CPNE8: variants seen among roughly 807,000 people sequenced by gnomAD.
CPNE8 encodes copine-8.
In CPNE8, 45 loss-of-function variants were observed where a neutral mutation model predicts 81.5. The observed-to-expected ratio is 0.55, with a 90% CI of 0.44 to 0.71. The LOEUF (loss-of-function observed/expected upper bound fraction) is 0.71, where lower values mean the gene tolerates loss of function less well. Ranked by LOEUF, CPNE8 falls within the 30% of genes least tolerant of loss-of-function variation. CPNE8 has a pLI of 0.00. For synonymous variants in CPNE8, 252 were observed against 226.3 expected, an observed-to-expected ratio of 1.11 and a Z score of -1.02; for missense variants, 594 against 672.1, an observed-to-expected ratio of 0.88 and a Z score of 1.28.
At chr12:38,734,609 G>A (rs1592047774) in intron 10 of CPNE8, among the ~76,000 whole-genome samples, 2 of 152,050 alleles carry the variant, frequency 1.3e-5, no homozygotes, top group South Asian at 2.1e-4. Flanking sequence ...CTACCACCAT[G>A]TTGTCTTGAG....
Position 38,848,569 on chromosome 12 carries a change from G to A in CPNE8, c.280C>T (p.Arg94Cys), listed in dbSNP as rs754785078. 4 of 1,570,780 alleles carry A rather than the reference G, an allele frequency of 2.5e-6. No homozygotes were observed. Among genetic ancestry groups the A allele is most frequent in the Non-Finnish European group, 2.6e-6 (3 of 1,166,602 alleles). The stretch of plus-strand genomic sequence containing the variant: ...TTTAGTAGAACTTACAAGTCAAAAC[G>A]AAGATTCTCTCTTTCTTCAAAAAAG... The part of the protein sequence containing the change: ...DYFFEERENL[R>C]FDLYDVDSKS... The change falls in exon 4 of 20, where the codon CGT (arginine) becomes TGT (cysteine). Residue 94 changes from arginine (R) to cysteine (C), a missense_variant. Transcript: ENST00000331366.
At chr12:38,709,571 C>A (rs989167078) in intron 13 of CPNE8, among the ~76,000 whole-genome samples, 7 of 152,130 alleles carry the variant, frequency 4.6e-5, no homozygotes, top group African/African-American at 1.7e-4. Context: ...CTGTGAGGAC[C>A]ATAAAAGAAC....
chr12:38,718,674 A>C (rs1940471731), intron 13 of CPNE8, among the ~76,000 whole-genome samples: 1 of 152,208 alleles, frequency 6.6e-6, no homozygotes, highest in South Asian at 2.1e-4. Context: ...CATTAAATCC[A>C]ATAACATTAT....
chr12:38,762,988 A>C (rs1468250312), intron 8 of CPNE8, among the ~76,000 whole-genome samples: 1 of 152,138 alleles, frequency 6.6e-6, no homozygotes, highest in East Asian at 1.9e-4. Flanking sequence ...CTTTCCGAGT[A>C]GCTGGGATTA....
At chr12:38,785,551 TC>T (rs1942164934) in intron 6 of CPNE8, among the ~76,000 whole-genome samples, 1 of 152,016 alleles carries the variant, frequency 6.6e-6, no homozygotes, top group South Asian at 2.1e-4. Context: ...AAAGGGGAGT[TC>T]CCCTGCACAT....
intron 10 of CPNE8, 60 bp from the exon 11 acceptor site, chr12:38,730,418 T>C (rs1345154177): frequency 1.1e-6 from 1 of 946,970 alleles, no homozygotes; most frequent in African/African-American, 1.6e-5. Context: ...AACTGTATTT[T>C]AAAGTTTTTA....
At chr12:38,785,994 A>T (rs1304518074) in intron 6 of CPNE8, among the ~76,000 whole-genome samples, 1 of 152,164 alleles carries the variant, frequency 6.6e-6, no homozygotes, top group Non-Finnish European at 1.5e-5. Flanking sequence ...AAGGAAGGAA[A>T]GAAAGAAGAG....
intron 13 of CPNE8, among the ~76,000 whole-genome samples, chr12:38,719,558 G>A (rs1387334534): frequency 2.0e-5 from 3 of 148,460 alleles, no homozygotes; most frequent in Non-Finnish European, 4.4e-5. Context: ...TTGCCAGCCT[G>A]GGCAACAGAG....
chr12:38,899,040 T>G (rs1374625735), intron 1 of CPNE8, among the ~76,000 whole-genome samples: 3 of 152,180 alleles, frequency 2.0e-5, no homozygotes, highest in Non-Finnish European at 4.4e-5. Context: ...ATACCTGCTA[T>G]CACAACTTTT....
chr12:38,739,631 A>T (rs573295657), intron 10 of CPNE8, among the ~76,000 whole-genome samples: 1 of 151,956 alleles, frequency 6.6e-6, no homozygotes, highest in Non-Finnish European at 1.5e-5. Context: ...CTTTCTAATA[A>T]TTTTTTTCAC....
intron 5 of CPNE8, among the ~76,000 whole-genome samples, chr12:38,839,629 A>T (rs1284194149): frequency 6.6e-6 from 1 of 152,154 alleles, no homozygotes; most frequent in Non-Finnish European, 1.5e-5. Context: ...CATCTTGCTT[A>T]ACCTGATCTA....
chr12:38,661,247 G>A (rs1938946030), intron 19 of CPNE8, among the ~76,000 whole-genome samples: 1 of 152,150 alleles, frequency 6.6e-6, no homozygotes, highest in Non-Finnish European at 1.5e-5. Flanking sequence ...AAAAAATGTG[G>A]CACACATATA....
chr12:38,862,134 T>C (rs1943845455), intron 3 of CPNE8, among the ~76,000 whole-genome samples: 1 of 152,074 alleles, frequency 6.6e-6, no homozygotes, highest in Admixed American at 6.5e-5. Context: ...AGATTCAATT[T>C]GCCAAATTGT....
intron 6 of CPNE8, among the ~76,000 whole-genome samples, chr12:38,803,025 A>G (rs889023564): frequency 1.0e-5 from 1 of 98,070 alleles, no homozygotes; most frequent in Non-Finnish European, 2.0e-5. Flanking sequence ...ATAGTTTACC[A>G]ACCAAAAAGA....
chr12:38,814,927 TTA>T (rs887782227), intron 6 of CPNE8, among the ~76,000 whole-genome samples: 3 of 151,940 alleles, frequency 2.0e-5, no homozygotes, highest in African/African-American at 7.3e-5. Context: ...AATTTTAACT[TTA>T]TATATATATA....
intron 4 of CPNE8, among the ~76,000 whole-genome samples, chr12:38,844,829 T>C (rs986567105): frequency 6.6e-6 from 1 of 152,212 alleles, no homozygotes; most frequent in African/African-American, 2.4e-5. Context: ...CTTTTTTAAC[T>C]TGTTTAGACT....
chr12:38,685,056 T>C (rs910598390), intron 16 of CPNE8, among the ~76,000 whole-genome samples: 3 of 152,324 alleles, frequency 2.0e-5, no homozygotes, highest in East Asian at 1.9e-4. Context: ...ATTAAAATAA[T>C]GTGCCCTATA....
chr12:38,781,419 C>T (rs1182690821), intron 6 of CPNE8, among the ~76,000 whole-genome samples: 1 of 151,646 alleles, frequency 6.6e-6, no homozygotes, highest in Non-Finnish European at 1.5e-5. Flanking sequence ...AAATTTGATT[C>T]AAAAAATTCA....
At chr12:38,748,509 T>A (rs1941286586) in intron 10 of CPNE8, among the ~76,000 whole-genome samples, 1 of 151,928 alleles carries the variant, frequency 6.6e-6, no homozygotes. Flanking sequence ...TTTTTTTTTC[T>A]TTCTTTTCTG....
Sources: gnomAD v4.1 joint callset for allele counts (sites outside exome capture counted in the v4.1 genomes callset) on GRCh38, gnomAD v4.1.1 for gene constraint, MANE v1.5 for transcripts, NCBI Gene and HGNC (gene_info 2026-07-23, HGNC 2026-07-21) for gene names.